Variants in HEATR5B observed in about 807,000 individuals in gnomAD.
HEATR5B encodes HEAT repeat-containing protein 5B.
HEATR5B carries 156 observed loss-of-function variants against 224.1 expected under a neutral mutation model. That is an observed-to-expected ratio of 0.70 (90% confidence interval 0.61 to 0.80). The LOEUF is 0.80. Among genes scored for constraint, HEATR5B ranks in the 30% least tolerant of loss-of-function variants. The pLI is 0.00. For synonymous variants in HEATR5B, 1,027 were observed against 893.0 expected (o/e 1.15, Z -2.68); for missense variants, 2,323 against 2,535.5 (o/e 0.92, Z 1.80).
At chr2:37,041,030 A>G in intron 19 of HEATR5B, 103 bp downstream of exon 19, 2 of 869,698 alleles carry the variant, frequency 2.3e-6, no homozygotes, top group Non-Finnish European at 1.8e-6. Context: ...ACCCTAATAT[A>G]TTTGTCCTAA....
intron 30 of HEATR5B, among the ~76,000 whole-genome samples, chr2:37,004,622 A>G (rs760393988): frequency 5.3e-5 from 8 of 151,950 alleles, no homozygotes; most frequent in Non-Finnish European, 8.8e-5. Context: ...GAGGTCACCA[A>G]TAGCCTCCTC....
chr2:37,008,800 T>C lies in HEATR5B; in HGVS notation c.4333A>G (p.Lys1445Glu), dbSNP rs1381678010. 2 of 1,614,022 alleles carry C rather than the reference T, an allele frequency of 1.2e-6. No homozygotes were observed. The highest frequency in any genetic ancestry group is 8.5e-7 in the Non-Finnish European group (1 of 1,180,004). ...TCGTCAGTATTTTTAATTGCTCTTT[T>C]TGGTTTTGACTCTGCTTCCTTTTTA... ...NIKKEAESKP[K>E]RAIKNTDDDD... The change falls in exon 28 of 36, where the codon AAA becomes GAA. Residue 1445 changes from lysine (K) to glutamate (E), a missense_variant. Physicochemically the swap from Lys to Glu is moderately conservative, Grantham distance 56. This residue lies in a region of HEATR5B where 844 missense variants were observed against 812.9 expected (regional missense o/e 1.04). Coordinates refer to ENST00000233099, the MANE Select transcript of HEATR5B (RefSeq NM_019024.3).
At chr2:37,019,058 C>T (rs939516866) in intron 26 of HEATR5B, among the ~76,000 whole-genome samples, 16 of 151,560 alleles carry the variant, frequency 1.1e-4, no homozygotes, top group South Asian at 4.2e-4. Flanking sequence ...CTCAGGAGGC[C>T]GAGGCAGAAG....
intron 5 of HEATR5B, among the ~76,000 whole-genome samples, chr2:37,073,575 T>C (rs1672040891): frequency 1.3e-5 from 2 of 152,192 alleles, no homozygotes; most frequent in South Asian, 2.1e-4. Context: ...TTCATGATTT[T>C]AGTCATATTT....
intron 14 of HEATR5B, 64 bp downstream of exon 14, chr2:37,058,385 ACT>A (rs140466535): frequency 0.045 from 39,971 of 895,380 alleles, 1,063 homozygotes; most frequent in Non-Finnish European, 0.055. Context: ...CTTTGTCAAG[ACT>A]CTATAATACG....
At position 36,981,694 on chromosome 2, in the gene HEATR5B, C is replaced by T. The variant is rs778643818; in HGVS notation, c.6012G>A (p.Glu2004=). The change falls in exon 36 of 36, where the codon GAG becomes GAA. Residue 2004 remains glutamate (E), a synonymous_variant. Coordinates refer to ENST00000233099, the MANE Select transcript of HEATR5B (RefSeq NM_019024.3). ...SASSASKDLH[E]FALQNLMHIG... is the part of the protein sequence containing the mutation. ...TATGCATTAAATTCTGGAGTGCAAA[C>T]TCATGAAGATCTTTGGAAGCTGAAC... 133 of 1,613,886 alleles carry T rather than the reference C, an allele frequency of 8.2e-5. No individual in the cohort carries two copies. Among genetic ancestry groups the T allele is most frequent in the Non-Finnish European group, 1.1e-4 (124 of 1,179,990 alleles).
chr2:36,994,526 T>C (rs1444291144), intron 33 of HEATR5B, among the ~76,000 whole-genome samples: 1 of 152,208 alleles, frequency 6.6e-6, no homozygotes, highest in East Asian at 1.9e-4. Context: ...TATACAAATA[T>C]GCCTGTGGCT....
chr2:37,062,697 T>C (rs1249126209), intron 10 of HEATR5B, among the ~76,000 whole-genome samples: 3 of 152,272 alleles, frequency 2.0e-5, no homozygotes, highest in Admixed American at 2.0e-4. Context: ...ACAGCATCTA[T>C]GCTACTACTT....
chr2:37,053,643 A>G, intron 16 of HEATR5B, 36 bp from the exon 17 acceptor site: 1 of 1,323,998 alleles, frequency 7.6e-7, no homozygotes, highest in Non-Finnish European at 1.1e-6. Flanking sequence ...CATTAGTGAC[A>G]AATTTTATTC....
intron 5 of HEATR5B, among the ~76,000 whole-genome samples, chr2:37,074,084 G>A (rs768362772): frequency 1.3e-5 from 2 of 152,134 alleles, no homozygotes; most frequent in Non-Finnish European, 2.9e-5. Flanking sequence ...TAGTTTGGGA[G>A]GCCGAGGTGG....
At chr2:37,008,450 T>A in intron 28 of HEATR5B, 161 bp downstream of exon 28, 1 of 618,626 alleles carries the variant, frequency 1.6e-6, no homozygotes. Flanking sequence ...ATCTACAAAT[T>A]CAATATAGAG....
chr2:37,019,972 CG>C, intron 25 of HEATR5B, 95 bp from the exon 26 acceptor site: 1 of 792,090 alleles, frequency 1.3e-6, no homozygotes, highest in East Asian at 2.7e-5. Context: ...GGTGCGATCT[CG>C]GCTCATTGCA....
intron 22 of HEATR5B, among the ~76,000 whole-genome samples, chr2:37,030,631 C>T (rs1280524222): frequency 6.6e-6 from 1 of 152,214 alleles, no homozygotes; most frequent in African/African-American, 2.4e-5. Context: ...CAAGAAATAT[C>T]TATTCCCACT....
In HEATR5B at chr2:37,044,784, A is replaced by G. The variant is rs150004226; in HGVS notation, c.2697-3492T>C. On this transcript the variant is annotated intron_variant, in intron 18 of 35. Coordinates refer to ENST00000233099, the MANE Select transcript of HEATR5B (RefSeq NM_019024.3). ...GAGATTTCAATTATATGCATGTTAC[A>G]CAGCTTGATATTGGTCCCAGAAGTC... is the stretch of plus-strand genomic sequence containing the variant. 3.8e-3 allele frequency among the ~76,000 whole-genome samples: 582 copies of G among 152,340 alleles called. 2 individuals are homozygous for G. The highest frequency in any genetic ancestry group is 0.013 in the African/African-American group (560 of 41,574).
chr2:37,001,814 G>A (rs114879726), intron 32 of HEATR5B, among the ~76,000 whole-genome samples: 2,693 of 151,738 alleles, frequency 0.018, 92 homozygotes, highest in African/African-American at 0.062. Context: ...CAGGGCATAC[G>A]CCACCAGGCC....
At chr2:37,008,551 T>A (rs748671943) in intron 28 of HEATR5B, 60 bp downstream of exon 28, 70 of 1,138,110 alleles carry the variant, frequency 6.2e-5, no homozygotes, top group Non-Finnish European at 5.4e-5. Context: ...ATACCGTCTC[T>A]ATTTTGTTTA....
At chr2:36,988,554 G>A (rs746757010) in intron 35 of HEATR5B, 92 bp downstream of exon 35, 86 of 1,105,382 alleles carry the variant, frequency 7.8e-5, no homozygotes, top group African/African-American at 3.3e-4. Flanking sequence ...AAGCCACTGC[G>A]CCCAGCAGGC....
intron 17 of HEATR5B, among the ~76,000 whole-genome samples, chr2:37,051,707 A>G (rs1670561121): frequency 6.6e-6 from 1 of 152,116 alleles, no homozygotes; most frequent in East Asian, 1.9e-4. Context: ...ACTAATGGTT[A>G]TATAAATGGT....
intron 34 of HEATR5B, among the ~76,000 whole-genome samples, chr2:36,989,899 CTTTTTT>C (rs766148486): frequency 1.1e-4 from 10 of 88,904 alleles, no homozygotes; most frequent in Admixed American, 4.4e-4. Context: ...AGAATGTTTC[CTTTTTT>C]TTTTTTTTTT....
Sources: allele counts gnomAD v4.1 joint callset (sites outside exome capture counted in the v4.1 genomes callset), GRCh38; gene constraint gnomAD v4.1.1; regional missense constraint gnomAD v4.1.1; transcripts MANE v1.5; gene names NCBI Gene and HGNC (gene_info 2026-07-23, HGNC 2026-07-21).